Variants in POU2AF1 observed in about 807,000 individuals in gnomAD.
POU2AF1 encodes POU domain class 2-associating factor 1.
In POU2AF1, 12 loss-of-function variants were observed where a neutral mutation model predicts 26.3. The ratio of observed to expected loss-of-function variants is 0.46; its 90% confidence interval spans 0.29 to 0.74. POU2AF1 has a LOEUF of 0.74. POU2AF1 is among the 30% of genes least tolerant of loss of function. POU2AF1 has a pLI of 0.09. For missense variants in POU2AF1, 297 were observed against 334.5 expected, an observed-to-expected ratio of 0.89 and a Z score of 0.87; for synonymous variants, 175 against 148.0, an observed-to-expected ratio of 1.18 and a Z score of -1.32.
chr11:111,379,046 CCTCCCCCCGTGG>C, intron 1 of POU2AF1, 104 bp downstream of exon 1: 4 of 1,253,926 alleles, frequency 3.2e-6, no homozygotes, highest in South Asian at 2.4e-5. Context: ...ACCCAGACCC[CCTCCCCCCGTGG>C]CCCCATCACC....
chr11:111,353,921 G>C lies in POU2AF1; in HGVS notation c.*340C>G, dbSNP rs1329617937. The C allele has an allele frequency of 3.1e-6, 1 of 322,076 alleles. No homozygotes were observed. Among genetic ancestry groups the C allele is most frequent in the African/African-American group, 2.2e-5 (1 of 45,838 alleles). The allele number at this position is 322,076 out of a possible 1,614,324, so 20.0% of individuals were successfully genotyped here. On this transcript the variant is annotated 3_prime_UTR_variant, in exon 5 of 5. Coordinates refer to ENST00000393067, the MANE Select transcript of POU2AF1 (RefSeq NM_006235.3). ...GGAGGGAGGGAGGTAAAGAAGGAAA[G>C]GGAGAAGGGAAGGAGGGAAGGAAGG...
At chr11:111,376,763 A>G (rs1387187668) in intron 1 of POU2AF1, among the ~76,000 whole-genome samples, 1 of 152,108 alleles carries the variant, frequency 6.6e-6, no homozygotes, top group Non-Finnish European at 1.5e-5. Flanking sequence ...CTGCCCTTCC[A>G]TCGGGTGACT....
At chr11:111,368,346 A>C (rs1051778363) in intron 1 of POU2AF1, among the ~76,000 whole-genome samples, 5 of 152,166 alleles carry the variant, frequency 3.3e-5, no homozygotes, top group African/African-American at 1.2e-4. Context: ...CACCATGAGC[A>C]GACCCTTGTC....
At chr11:111,372,386 A>G (rs1861230638) in intron 1 of POU2AF1, among the ~76,000 whole-genome samples, 1 of 147,852 alleles carries the variant, frequency 6.8e-6, no homozygotes, top group African/African-American at 2.5e-5. Flanking sequence ...ATGGGTTCTC[A>G]TGGTATGAAC....
intron 1 of POU2AF1, chr11:111,363,269 G>A (rs1032839729): frequency 9.8e-7 from 1 of 1,022,622 alleles, no homozygotes; most frequent in Non-Finnish European, 1.2e-6. Flanking sequence ...AAGGAATTCT[G>A]TAACTGACTC....
At chr11:111,378,679 A>T (rs1176673293) in intron 1 of POU2AF1, among the ~76,000 whole-genome samples, 1 of 508 alleles carries the variant, frequency 2.0e-3, no homozygotes, top group Non-Finnish European at 3.8e-3. Context: ...ATCCACAGGG[A>T]CAAGTCACAC....
chr11:111,358,638 A>C, intron 2 of POU2AF1, 150 bp downstream of exon 2: 1 of 985,112 alleles, frequency 1.0e-6, no homozygotes. Flanking sequence ...TCTCTCTCAC[A>C]CTATCACACT....
intron 1 of POU2AF1, among the ~76,000 whole-genome samples, chr11:111,376,994 T>C (rs1025768228): frequency 2.0e-5 from 3 of 152,146 alleles, no homozygotes; most frequent in African/African-American, 7.2e-5. Flanking sequence ...ATTCCATTGA[T>C]GAGCTTACAA....
intron 1 of POU2AF1, chr11:111,359,377 C>A (rs1002861573): frequency 4.8e-6 from 1 of 206,706 alleles, no homozygotes; most frequent in Non-Finnish European, 9.9e-6. Flanking sequence ...CTGCCTGACC[C>A]CTGCAGCCTG....
intron 1 of POU2AF1, among the ~76,000 whole-genome samples, chr11:111,366,634 C>T (rs1246696501): frequency 1.3e-5 from 2 of 152,170 alleles, no homozygotes. Flanking sequence ...ACTCATCAAC[C>T]ATAGGCAGGT....
chr11:111,357,845 G>A lies in POU2AF1; in HGVS notation c.148-8C>T, dbSNP rs761769018. 2 of 1,604,714 alleles carry A rather than the reference G, an allele frequency of 1.2e-6. No homozygotes were observed. The highest frequency in any genetic ancestry group is 1.1e-5 in the South Asian group (1 of 89,758). Reference sequence around the variant, plus strand: ...CTGATGGGGCAGCACCACCTAGAGGGGAGAGGAGAAGACCAGGGTCAATGT... The same window carrying A: ...CTGATGGGGCAGCACCACCTAGAGGAGAGAGGAGAAGACCAGGGTCAATGT... On this transcript the variant is annotated splice_polypyrimidine_tract_variant and splice_region_variant and intron_variant, in intron 2 of 4. Transcript: ENST00000393067.
At chr11:111,372,013 C>T (rs1372586098) in intron 1 of POU2AF1, among the ~76,000 whole-genome samples, 1 of 149,122 alleles carries the variant, frequency 6.7e-6, no homozygotes, top group African/African-American at 2.5e-5. Context: ...CCACACCCCA[C>T]CTAAACACAC....
intron 1 of POU2AF1, among the ~76,000 whole-genome samples, chr11:111,365,367 T>C (rs960669654): frequency 1.3e-5 from 2 of 152,202 alleles, no homozygotes; most frequent in African/African-American, 2.4e-5. Context: ...TTTTAGGAAC[T>C]TACCTAAACA....
chr11:111,372,084 A>AGG, intron 1 of POU2AF1, among the ~76,000 whole-genome samples: 1 of 151,528 alleles, frequency 6.6e-6, no homozygotes, highest in African/African-American at 2.4e-5. Flanking sequence ...AGAGAGAGAG[A>AGG]GAGAGATGAA....
chr11:111,369,707 G>C (rs540806379), intron 1 of POU2AF1, among the ~76,000 whole-genome samples: 1 of 152,118 alleles, frequency 6.6e-6, no homozygotes, highest in African/African-American at 2.4e-5. Context: ...CAGACCTACC[G>C]TCCCAGACCA....
At chr11:111,368,885 C>G (rs573114091) in intron 1 of POU2AF1, among the ~76,000 whole-genome samples, 1 of 152,362 alleles carries the variant, frequency 6.6e-6, no homozygotes, top group South Asian at 2.1e-4. Flanking sequence ...GAGCTCCCAA[C>G]AAATAGCCCT....
intron 1 of POU2AF1, among the ~76,000 whole-genome samples, chr11:111,370,526 A>AACC (rs1861189270): frequency 6.6e-6 from 1 of 152,156 alleles, no homozygotes; most frequent in East Asian, 1.9e-4. Flanking sequence ...ACCCTGGAAT[A>AACC]TAGTTATGGT....
chr11:111,376,488 T>A (rs1836013729), intron 1 of POU2AF1, among the ~76,000 whole-genome samples: 2 of 152,206 alleles, frequency 1.3e-5, no homozygotes, highest in Non-Finnish European at 2.9e-5. Context: ...ATCCATTGGT[T>A]GGGGCTTGAA....
At chr11:111,358,041 C>G (rs1860887842) in intron 2 of POU2AF1, among the ~76,000 whole-genome samples, 1 of 152,118 alleles carries the variant, frequency 6.6e-6, no homozygotes, top group African/African-American at 2.4e-5. Context: ...AGTCTGTGCG[C>G]TCAGGGAGCT....
Sources: gnomAD v4.1 joint callset for allele counts (sites outside exome capture counted in the v4.1 genomes callset) on GRCh38, gnomAD v4.1.1 for gene constraint, MANE v1.5 for transcripts, NCBI Gene and HGNC (gene_info 2026-07-23, HGNC 2026-07-21) for gene names.